The following KCNAB3 variants were observed in gnomAD, a reference collection of about 807,000 sequenced individuals.
KCNAB3 encodes voltage-gated potassium channel subunit beta-3.
In KCNAB3, 62 loss-of-function variants were observed where a neutral mutation model predicts 67.7. That is an observed-to-expected ratio of 0.92 (90% CI 0.75 to 1.13). The LOEUF is 1.13. KCNAB3 is among the 50% of genes most tolerant of loss of function. The probability of loss-of-function intolerance (pLI) is 0.00; values close to 1 mark genes in which losing one functional copy is unlikely to be tolerated. For missense variants in KCNAB3, 514 were observed against 522.9 expected, an observed-to-expected ratio of 0.98 and a Z score of 0.17; for synonymous variants, 212 against 205.4, an observed-to-expected ratio of 1.03 and a Z score of -0.27.
chr17:7,925,211 A>T, intron 7 of KCNAB3, 28 bp from the exon 8 acceptor site: 1 of 1,579,626 alleles, frequency 6.3e-7, no homozygotes, highest in Non-Finnish European at 8.7e-7. Flanking sequence ...AGAAGAAAAT[A>T]AGCACCTCAG....
At chr17:7,926,414 T>A (rs1766686608) in intron 4 of KCNAB3, among the ~76,000 whole-genome samples, 2 of 152,218 alleles carry the variant, frequency 1.3e-5, no homozygotes, top group African/African-American at 4.8e-5. Flanking sequence ...GGACACTGCC[T>A]TGTCTGGCTT....
At position 7,929,284 on chromosome 17, in the gene KCNAB3, G is replaced by A. The variant is rs771733462; in HGVS notation, c.152C>T (p.Pro51Leu). The change falls in exon 1 of 14, where the codon CCC becomes CTC. Residue 51 changes from proline (P) to leucine (L), a missense_variant. By Grantham distance (98) the Pro-to-Leu change is moderately conservative. Transcript: ENST00000303790. The surrounding 1 kb of genome is among the most constrained non-coding windows in gnomAD (Gnocchi z 5.7). ...GGGAACCAGTGCAGCTCGGGCCTTG[G>A]GGCCAGACCCTCCACCCCCCGGAGG... Reference protein sequence around the residue: ...GNPPGGGGSGPKARAALVPRP... With the variant: ...GNPPGGGGSGLKARAALVPRP... The A allele has an allele frequency of 8.8e-6, 14 of 1,591,922 alleles. No individual in the cohort carries two copies. In the African/African-American group the frequency reaches 1.6e-4, roughly 18 times the overall value.
rs1262094657 is a variant in KCNAB3, at chr17:7,929,825, G to A, written c.-390C>T. 4.2e-5 allele frequency: 43 copies of A among 1,016,200 alleles called. No homozygotes were observed. In the South Asian group the frequency reaches 8.0e-4, roughly 19 times the overall value. The allele number at this position is 1,016,200 out of a possible 1,614,324, so 62.9% of individuals were successfully genotyped here. ...CGCGAACCGCTGCGGGACCCGCTGG[G>A]CTCCCAGCCGCGTCGGCAGCGGGCC... On this transcript the variant is annotated 5_prime_UTR_variant, in exon 1 of 14. Coordinates refer to ENST00000303790, the MANE Select transcript of KCNAB3 (RefSeq NM_004732.4). The surrounding 1 kb of genome is among the most constrained non-coding windows in gnomAD (Gnocchi z 5.7).
chr17:7,929,804 A>ACC lies in KCNAB3; in HGVS notation c.-370_-369insGG. The ACC allele has an allele frequency of 1.7e-4, 183 of 1,100,502 alleles. No homozygotes were observed. Among genetic ancestry groups the ACC allele is most frequent in the Admixed American group, 8.5e-4 (17 of 20,012 alleles). 68.2% of individuals were successfully genotyped at this position (1,100,502 alleles called of 1,614,324 possible). On this transcript the variant is annotated 5_prime_UTR_variant, in exon 1 of 14. Transcript: ENST00000303790. The surrounding 1 kb of genome is among the most constrained non-coding windows in gnomAD (Gnocchi z 5.7). ...GGGAGAGAGATGCCACTTCAGCGCG[A>ACC]ACCGCTGCGGGACCCGCTGGGCTCC... is the stretch of plus-strand genomic sequence containing the variant.
rs994562917 is a variant in KCNAB3 at position 7,922,995 on chromosome 17, G to C, written c.*107C>G. The C allele has an allele frequency of 6.7e-6, 7 of 1,052,516 alleles. No homozygotes were observed. The highest frequency in any genetic ancestry group is 1.0e-5 in the Non-Finnish European group (7 of 677,004). 65.2% of individuals were successfully genotyped at this position (1,052,516 alleles called of 1,614,324 possible). On this transcript the variant is annotated 3_prime_UTR_variant, in exon 14 of 14. Coordinates refer to ENST00000303790, the MANE Select transcript of KCNAB3 (RefSeq NM_004732.4). ...ACTCGTTGGTGGGCGGGGCTAGTCTGGCTCCGGCCGCTGCGTGGAGGGATC... is the reference window on the plus strand; with the variant it reads ...ACTCGTTGGTGGGCGGGGCTAGTCTCGCTCCGGCCGCTGCGTGGAGGGATC...
chr17:7,925,727 C>T lies in KCNAB3; in HGVS notation c.495-1G>A. The T allele has an allele frequency of 5.6e-6, 9 of 1,613,988 alleles. No homozygotes were observed. The highest frequency in any genetic ancestry group is 6.8e-6 in the Non-Finnish European group (8 of 1,180,000). ...GCTTAAACCTCGCTCGGTTTCTGCC[C>T]TGTAGGAAAAGGTAAGTCAAAGATG... is the stretch of plus-strand genomic sequence containing the variant. On this transcript the variant is annotated splice_acceptor_variant, in intron 6 of 13. Coordinates refer to ENST00000303790, the MANE Select transcript of KCNAB3 (RefSeq NM_004732.4). LOFTEE classifies it high-confidence loss of function.
At position 7,927,949 on chromosome 17, in the gene KCNAB3, C is replaced by T. The variant is rs550970852; in HGVS notation, c.243-123G>A. 1.5e-4 allele frequency: 176 copies of T among 1,147,844 alleles called. 1 individual carries two copies. Among genetic ancestry groups the T allele is most frequent in the Non-Finnish European group, 2.2e-4 (166 of 763,694 alleles). The allele number at this position is 1,147,844 out of a possible 1,614,324, so 71.1% of individuals were successfully genotyped here. On this transcript the variant is annotated intron_variant, in intron 1 of 13. Transcript: ENST00000303790. ...GGTGTCTCAGTCCAAAGAAATTAGA[C>T]CCAGTGGGCCTATAAGATTGGGCAA...
In KCNAB3 at chr17:7,922,846, C is replaced by T. The variant is rs1972077611; in HGVS notation, c.*256G>A. The T allele has an allele frequency of 9.1e-6, 5 of 547,724 alleles. No homozygotes were observed. The highest frequency in any genetic ancestry group is 4.9e-4 in the Middle Eastern group (1 of 2,028). The allele number at this position is 547,724 out of a possible 1,614,324, so 33.9% of individuals were successfully genotyped here. ...GGCAGAGAGCCGACGGCGAGTAGCT[C>T]ATGCCCGGGATTTGCAAGAAGGGCC... On this transcript the variant is annotated 3_prime_UTR_variant, in exon 14 of 14. Transcript: ENST00000303790.
chr17:7,923,277 A>G lies in KCNAB3; in HGVS notation c.1138-98T>C, dbSNP rs41283407. 2.0e-3 allele frequency: 2,709 copies of G among 1,348,348 alleles called. 6 individuals carry two copies. The highest frequency in any genetic ancestry group is 2.5e-3 in the Non-Finnish European group (2,385 of 940,140). 83.5% of individuals were successfully genotyped at this position (1,348,348 alleles called of 1,614,324 possible). A position where few individuals can be genotyped will look rare whatever the true frequency, so the allele number is the denominator to read the frequency against. On this transcript the variant is annotated intron_variant, in intron 13 of 13. Coordinates refer to ENST00000303790, the MANE Select transcript of KCNAB3 (RefSeq NM_004732.4). ...CCGGGGAAGCACCACAGTGGGGTCA[A>G]GTGGCAAGGCAAGAGCCGCAGCTGT... is the stretch of plus-strand genomic sequence containing the variant.
chr17:7,928,213 C>T, intron 1 of KCNAB3: 1 of 329,948 alleles, frequency 3.0e-6, no homozygotes, highest in Middle Eastern at 1.0e-3. Context: ...AGACCAGGCC[C>T]TCAGGCAGAG....
At position 7,929,821 on chromosome 17, in the gene KCNAB3, C is replaced by CACAATT; in HGVS notation, c.-387_-386insAATTGT. The CACAATT allele has an allele frequency of 3.7e-6, 4 of 1,068,908 alleles. No individual in the cohort carries two copies. Among genetic ancestry groups the CACAATT allele is most frequent in the Admixed American group, 5.2e-5 (1 of 19,194 alleles). 66.2% of individuals were successfully genotyped at this position (1,068,908 alleles called of 1,614,324 possible). A position where few individuals can be genotyped will look rare whatever the true frequency, so the allele number is the denominator to read the frequency against. ...TCAGCGCGAACCGCTGCGGGACCCGCTGGGCTCCCAGCCGCGTCGGCAGCG... is the reference window on the plus strand; with the variant it reads ...TCAGCGCGAACCGCTGCGGGACCCGCACAATTTGGGCTCCCAGCCGCGTCGGCAGCG... On this transcript the variant is annotated 5_prime_UTR_variant, in exon 1 of 14. Coordinates refer to ENST00000303790, the MANE Select transcript of KCNAB3 (RefSeq NM_004732.4). The surrounding 1 kb of genome is among the most constrained non-coding windows in gnomAD (Gnocchi z 5.7).
chr17:7,925,825 G>A, intron 6 of KCNAB3, 99 bp from the exon 7 acceptor site: 4 of 1,589,640 alleles, frequency 2.5e-6, no homozygotes, highest in Non-Finnish European at 3.5e-6. Context: ...GTCTTCACAG[G>A]CATGGTGCGG....
chr17:7,922,531 C>G lies in KCNAB3; in HGVS notation c.*571G>C, dbSNP rs1215530575. On this transcript the variant is annotated 3_prime_UTR_variant, in exon 14 of 14. Coordinates refer to ENST00000303790, the MANE Select transcript of KCNAB3 (RefSeq NM_004732.4). The stretch of plus-strand genomic sequence containing the variant: ...GTGCCACTGTAGACCCCACCCTGAC[C>G]GCCCTCCTCCACCTCTGGGCTGGGA... 1 of 157,378 alleles carries G rather than the reference C, an allele frequency of 6.4e-6. No individual in the cohort carries two copies. Among genetic ancestry groups the G allele is most frequent in the East Asian group, 1.8e-4 (1 of 5,446 alleles). The allele number at this position is 157,378 out of a possible 1,614,324, so 9.7% of individuals were successfully genotyped here. A position where few individuals can be genotyped will look rare whatever the true frequency, so the allele number is the denominator to read the frequency against.
Position 7,929,797 on chromosome 17 carries a change from CA to C in KCNAB3, c.-363del. On this transcript the variant is annotated 5_prime_UTR_variant, in exon 1 of 14. Transcript: ENST00000303790. The surrounding 1 kb of genome is among the most constrained non-coding windows in gnomAD (Gnocchi z 5.7). ...GCGGGGCGGGAGAGAGATGCCACTT[CA>C]GCGCGAACCGCTGCGGGACCCGCTG... is the stretch of plus-strand genomic sequence containing the variant. The C allele has an allele frequency of 1.3e-4, 137 of 1,074,252 alleles. No individual in the cohort carries two copies. Among genetic ancestry groups the C allele is most frequent in the Admixed American group, 8.1e-4 (15 of 18,428 alleles). 66.5% of individuals were successfully genotyped at this position (1,074,252 alleles called of 1,614,324 possible). A position where few individuals can be genotyped will look rare whatever the true frequency, so the allele number is the denominator to read the frequency against.
chr17:7,923,473 G>T lies in KCNAB3; in HGVS notation c.1120C>A (p.His374Asn), dbSNP rs1972114124. Residue 374 changes from histidine (H) to asparagine (N), a missense_variant, in exon 13 of 14, where the codon CAC becomes AAC. His to Asn is a moderately conservative substitution (Grantham distance 68). Transcript: ENST00000303790. Reference sequence around the variant, plus strand: ...CGGCTCACCTGTAGCGCGCCCAGGTGTTCTATCAACTGCTCCGCACTCGAC... The same window carrying T: ...CGGCTCACCTGTAGCGCGCCCAGGTTTTCTATCAACTGCTCCGCACTCGAC... Reference protein sequence around the residue: ...GVSSAEQLIEHLGALQVLSQL... With the variant: ...GVSSAEQLIENLGALQVLSQL... 3 of 1,611,682 alleles carry T rather than the reference G, an allele frequency of 1.9e-6. No homozygotes were observed. Among genetic ancestry groups the T allele is most frequent in the Non-Finnish European group, 2.5e-6 (3 of 1,178,984 alleles).
At position 7,925,684 on chromosome 17, in the gene KCNAB3, C is replaced by T. The variant is rs1169633292; in HGVS notation, c.537G>A (p.Glu179=). The change falls in exon 7 of 14, where the codon GAG becomes GAA. Residue 179 remains glutamate, a splice_region_variant and synonymous_variant. Coordinates refer to ENST00000303790, the MANE Select transcript of KCNAB3 (RefSeq NM_004732.4). ...GGGTTTCCAGCCCCTAACTCTCACC[C>T]TCAATGATGTGCTTTCGGCTTAAAC... The part of the protein sequence containing the change: ...ERGLSRKHII[E]GLRGSLERLQ... The T allele has an allele frequency of 1.9e-6, 3 of 1,614,004 alleles. No individual in the cohort carries two copies. The highest frequency in any genetic ancestry group is 2.5e-6 in the Non-Finnish European group (3 of 1,180,020).
intron 9 of KCNAB3, 69 bp downstream of exon 9, chr17:7,924,346 C>T: frequency 1.2e-6 from 2 of 1,608,874 alleles, no homozygotes; most frequent in South Asian, 2.2e-5. Context: ...GTGCAGTGGG[C>T]TTTGGAGTAA....
At position 7,929,512 on chromosome 17, in the gene KCNAB3, G is replaced by T. The variant is rs1047915776; in HGVS notation, c.-77C>A. 8 of 1,534,060 alleles carry T rather than the reference G, an allele frequency of 5.2e-6. No individual in the cohort carries two copies. Among genetic ancestry groups the T allele is most frequent in the Non-Finnish European group, 7.0e-6 (8 of 1,142,962 alleles). On this transcript the variant is annotated 5_prime_UTR_variant, in exon 1 of 14. Transcript: ENST00000303790. This position sits in a 1 kb window ranked among gnomAD's most constrained non-coding sequence, Gnocchi z 5.7. ...CAGGGAAGCCCGAGGGCTGACGACC[G>T]GGGGCGTAGTGGGGCGAACCCCGGC...
intron 4 of KCNAB3, among the ~76,000 whole-genome samples, chr17:7,926,794 C>A (rs1972246941): frequency 1.3e-5 from 2 of 152,010 alleles, no homozygotes; most frequent in South Asian, 4.1e-4. Flanking sequence ...TGGGGAAGAG[C>A]AAGACAAGTT....
Sources: gnomAD v4.1 joint callset for allele counts (sites outside exome capture counted in the v4.1 genomes callset) on GRCh38, gnomAD v4.1.1 for gene constraint, Gnocchi (gnomAD v3.1) non-coding constraint, MANE v1.5 for transcripts, NCBI Gene and HGNC (gene_info 2026-07-23, HGNC 2026-07-21) for gene names.